The following CHD1L variants were observed in gnomAD, a reference collection of about 807,000 sequenced individuals.
CHD1L encodes the protein ATP-dependent chromatin remodeler CHD1L.
Under a neutral mutation model 115.9 loss-of-function variants are expected in CHD1L, and 118 were observed. The ratio of observed to expected loss-of-function variants is 1.02; its 90% confidence interval spans 0.88 to 1.19. The LOEUF is 1.19. Among genes scored for constraint, CHD1L ranks in the 50% most tolerant of loss-of-function variants. CHD1L has a pLI of 0.00. For synonymous variants in CHD1L, 411 were observed against 387.1 expected, an observed-to-expected ratio of 1.06 and a Z score of -0.72; for missense variants, 1,179 against 1,065.3, an observed-to-expected ratio of 1.11 and a Z score of -1.49.
chr1:147,205,019 C>G, the CHD1L span: 1 of 740,344 alleles, frequency 1.4e-6, no homozygotes, highest in Non-Finnish European at 2.4e-6. Flanking sequence ...CCTGGAGATA[C>G]ATTCAGTCAC....
chr1:147,284,296 T>A (rs1340707311), intron 15 of CHD1L, 55 bp from the exon 16 acceptor site: 3 of 1,380,194 alleles, frequency 2.2e-6, no homozygotes, highest in Non-Finnish European at 3.0e-6. Flanking sequence ...TGAATAGCAT[T>A]AATCTATTTT....
the CHD1L span, among the ~76,000 whole-genome samples, chr1:147,187,496 G>A: frequency 1.3e-5 from 2 of 152,162 alleles, no homozygotes; most frequent in African/African-American, 4.8e-5. Context: ...AGAGGGGATA[G>A]TTAAAAGAGA....
At chr1:147,224,078 A>C in the CHD1L span, 1 of 366,436 alleles carries the variant, frequency 2.7e-6, no homozygotes, top group Non-Finnish European at 5.3e-6. Context: ...CCTGTGTCCC[A>C]AAATGGGGGT....
At chr1:147,177,865 T>C in the CHD1L span, among the ~76,000 whole-genome samples, 4 of 152,102 alleles carry the variant, frequency 2.6e-5, no homozygotes, top group East Asian at 1.9e-4. Flanking sequence ...TAAATCAAAC[T>C]TGAGTATGAA....
At chr1:147,231,759 C>T in the CHD1L span, among the ~76,000 whole-genome samples, 4 of 152,052 alleles carry the variant, frequency 2.6e-5, no homozygotes, top group Non-Finnish European at 5.9e-5. Flanking sequence ...CCTGGTGTGC[C>T]GTTCGCTAAG....
chr1:147,287,455 C>A (rs587630621), intron 18 of CHD1L, among the ~76,000 whole-genome samples, 180 bp from the exon 19 acceptor site: 1 of 152,288 alleles, frequency 6.6e-6, no homozygotes, highest in South Asian at 2.1e-4. Context: ...GCTATATCTT[C>A]CAGAAAACAT....
At chr1:147,250,297 T>A (rs587701903) in intron 1 of CHD1L, among the ~76,000 whole-genome samples, 2 of 152,340 alleles carry the variant, frequency 1.3e-5, no homozygotes, top group South Asian at 2.1e-4. Context: ...AATGAATGAT[T>A]TTTATAAGAA....
chr1:147,233,884 A>T, the CHD1L span, among the ~76,000 whole-genome samples: 142 of 152,004 alleles, frequency 9.3e-4, no homozygotes, highest in African/African-American at 2.8e-3. Context: ...GTTAAACAGA[A>T]GCTTGAAGGC....
At chr1:147,213,410 C>A in the CHD1L span, 1 of 1,613,630 alleles carries the variant, frequency 6.2e-7, no homozygotes. Flanking sequence ...GATTCAGTGA[C>A]CACTTCCCAT....
chr1:147,235,534 G>A, the CHD1L span, among the ~76,000 whole-genome samples: 4 of 152,044 alleles, frequency 2.6e-5, no homozygotes, highest in East Asian at 3.9e-4. Context: ...GCAATTTGAG[G>A]GGATAGAGGT....
At chr1:147,216,580 AT>A in the CHD1L span, among the ~76,000 whole-genome samples, 1 of 152,222 alleles carries the variant, frequency 6.6e-6, no homozygotes, top group Non-Finnish European at 1.5e-5. Flanking sequence ...TTTTAAAAAA[AT>A]ATTCAGCATC....
chr1:147,236,749 C>A, the CHD1L span, among the ~76,000 whole-genome samples: 1 of 152,118 alleles, frequency 6.6e-6, no homozygotes, highest in African/African-American at 2.4e-5. Flanking sequence ...CTCCTCTCTG[C>A]GGCTGGTTAT....
intron 19 of CHD1L, among the ~76,000 whole-genome samples, chr1:147,290,173 C>A (rs1684946220): frequency 6.6e-6 from 1 of 152,126 alleles, no homozygotes; most frequent in Admixed American, 6.5e-5. Flanking sequence ...ATATCCACCT[C>A]CCAGGCTCAG....
chr1:147,187,482 G>A, the CHD1L span, among the ~76,000 whole-genome samples: 6 of 152,136 alleles, frequency 3.9e-5, no homozygotes, highest in Non-Finnish European at 8.8e-5. Context: ...AAATAGAAAT[G>A]TGGAGAGGGG....
At chr1:147,195,151 G>T in the CHD1L span, among the ~76,000 whole-genome samples, 4 of 152,162 alleles carry the variant, frequency 2.6e-5, no homozygotes, top group East Asian at 7.7e-4. Flanking sequence ...TCACCAATCC[G>T]ACGTAGATTT....
intron 1 of CHD1L, among the ~76,000 whole-genome samples, chr1:147,249,069 T>G (rs1022762464): frequency 6.6e-6 from 1 of 152,152 alleles, no homozygotes; most frequent in Non-Finnish European, 1.5e-5. Flanking sequence ...TATCATTTCC[T>G]TTTTTTCCAA....
the CHD1L span, among the ~76,000 whole-genome samples, chr1:147,185,193 G>A: frequency 0.037 from 5,583 of 151,520 alleles, 149 homozygotes; most frequent in South Asian, 0.095. Context: ...TTGTAACCTT[G>A]CATATAATAT....
the CHD1L span, among the ~76,000 whole-genome samples, chr1:147,229,289 T>G: frequency 0.017 from 2,613 of 152,296 alleles, 77 homozygotes; most frequent in African/African-American, 0.06. Context: ...TTCTTGTTTT[T>G]GTGAGGTTTG....
chr1:147,186,278 A>AC, the CHD1L span: 3 of 971,058 alleles, frequency 3.1e-6, no homozygotes, highest in Non-Finnish European at 3.7e-6. Flanking sequence ...TAATTTCTTT[A>AC]TTGAGAAAAT....
Sources: allele counts gnomAD v4.1 joint callset (sites outside exome capture counted in the v4.1 genomes callset), GRCh38; gene constraint gnomAD v4.1.1; transcripts MANE v1.5; gene names NCBI Gene and HGNC (gene_info 2026-07-23, HGNC 2026-07-21).